Variants in POLE observed in about 807,000 individuals in gnomAD.
POLE encodes DNA polymerase epsilon, catalytic subunit.
POLE carries 188 observed loss-of-function variants against 279.2 expected under a neutral mutation model. The ratio of observed to expected loss-of-function variants is 0.67; its 90% CI spans 0.60 to 0.76. POLE has a LOEUF of 0.76. Among genes scored for constraint, POLE ranks in the 30% least tolerant of loss-of-function variants. The pLI is 0.00. For synonymous variants in POLE, 1,214 were observed against 1,172.5 expected (o/e 1.04, Z -0.72); for missense variants, 2,703 against 3,016.7 (o/e 0.90, Z 2.44).
At chr12:132,635,395 G>T (rs1198148180) in intron 42 of POLE, among the ~76,000 whole-genome samples, 1 of 152,156 alleles carries the variant, frequency 6.6e-6, no homozygotes, top group African/African-American at 2.4e-5. Context: ...ACCTGCCTGT[G>T]CCCTCCAATG....
intron 1 of POLE, among the ~76,000 whole-genome samples, chr12:132,682,155 G>A (rs776472695): frequency 2.2e-4 from 34 of 152,080 alleles, no homozygotes; most frequent in Non-Finnish European, 3.4e-4. Context: ...TTAGCCAGGC[G>A]TGGTGGTGGG....
chr12:132,659,207 G>C (rs966706025), intron 26 of POLE, 88 bp downstream of exon 26: 2 of 1,344,200 alleles, frequency 1.5e-6, no homozygotes, highest in Non-Finnish European at 2.1e-6. Flanking sequence ...GTGATGAGGG[G>C]AGCCCTCACC....
At chr12:132,660,746 A>G in intron 25 of POLE, 1 of 384,064 alleles carries the variant, frequency 2.6e-6, no homozygotes, top group East Asian at 3.9e-5. Flanking sequence ...CAGGCTTATC[A>G]CGCTATTTAG....
intron 26 of POLE, chr12:132,658,454 A>C (rs1160624500): frequency 6.3e-6 from 1 of 157,718 alleles, no homozygotes; most frequent in Non-Finnish European, 1.4e-5. Flanking sequence ...GTGCGTAAAC[A>C]TGTCTGCGTT....
intron 29 of POLE, among the ~76,000 whole-genome samples, chr12:132,653,593 A>G (rs1295619500): frequency 1.3e-5 from 2 of 152,232 alleles, no homozygotes; most frequent in African/African-American, 4.8e-5. Flanking sequence ...AGGTTTCCTT[A>G]CATTTTCTGT....
At chr12:132,649,586 A>G in intron 30 of POLE, 71 bp from the exon 31 acceptor site, 7 of 1,597,508 alleles carry the variant, frequency 4.4e-6, no homozygotes, top group South Asian at 1.1e-5. Context: ...CTTTCTCACA[A>G]GCAGCCTCCC....
rs943339544 is a variant in POLE, at chr12:132,646,321, G to C, written c.4150-2344C>G. Reference sequence around the variant, plus strand: ...GGGTGATGGAAACGTTCTGCACCTGGGTGGGGGTGTGGGTGACACAGGCAT... The same window carrying C: ...GGGTGATGGAAACGTTCTGCACCTGCGTGGGGGTGTGGGTGACACAGGCAT... On this transcript the variant is annotated intron_variant, in intron 32 of 48. Coordinates refer to ENST00000320574, the MANE Select transcript of POLE (RefSeq NM_006231.4). 6.6e-5 allele frequency among the ~76,000 whole-genome samples: 10 copies of C among 152,262 alleles called. No homozygotes were observed. The South Asian group carries it at 1.9e-3, about 28-fold the overall frequency.
At chr12:132,649,252 C>G (rs2138603325) in intron 31 of POLE, 54 bp downstream of exon 31, 1 of 1,574,008 alleles carries the variant, frequency 6.4e-7, no homozygotes, top group Non-Finnish European at 8.7e-7. Flanking sequence ...CTGGACACCC[C>G]CTCCCTGGGC....
Position 132,677,225 on chromosome 12 carries a change from T to C in POLE, c.801+138A>G, listed in dbSNP as rs537537122. On this transcript the variant is annotated intron_variant, in intron 8 of 48. Transcript: ENST00000320574. The stretch of plus-strand genomic sequence containing the variant: ...TCAGAAACTGATGAAAAATTCTAAC[T>C]CCATATTTCCTTTAATAAAGTATTT... 1.7e-5 allele frequency: 12 copies of C among 685,902 alleles called. No homozygotes were observed. In the East Asian group the frequency reaches 2.7e-4, roughly 15 times the overall value. The allele number at this position is 685,902 out of a possible 1,614,324, so 42.5% of individuals were successfully genotyped here.
chr12:132,681,264 A>G lies in POLE; in HGVS notation c.78T>C (p.Thr26=), dbSNP rs1192817723. 8.1e-6 allele frequency: 13 copies of G among 1,614,052 alleles called. No individual in the cohort carries two copies. Among genetic ancestry groups the G allele is most frequent in the Middle Eastern group, 1.6e-4 (1 of 6,084 alleles). Residue 26 remains threonine, a synonymous_variant, in exon 2 of 49, where the codon ACT becomes ACC. Transcript: ENST00000320574. ...DGEASRDDGA[T]SSVSALKRLE... is the part of the protein sequence containing the mutation. Reference sequence around the variant, plus strand: ...GGCGCTTGAGTGCCGAAACTGAGGAAGTGGCGCCATCATCCCTGAGTGAAA... The same window carrying G: ...GGCGCTTGAGTGCCGAAACTGAGGAGGTGGCGCCATCATCCCTGAGTGAAA...
intron 2 of POLE, 74 bp from the exon 3 acceptor site, chr12:132,680,761 G>C (rs1029538284): frequency 2.6e-6 from 3 of 1,159,856 alleles, no homozygotes; most frequent in Admixed American, 1.7e-5. Flanking sequence ...CCTACCTTTC[G>C]GGAAACTCAG....
chr12:132,625,051 G>C (rs1034271552), intron 47 of POLE, 57 bp from the exon 48 acceptor site: 3 of 1,325,492 alleles, frequency 2.3e-6, no homozygotes, highest in Non-Finnish European at 3.2e-6. Context: ...AGACCTGCCT[G>C]CTGCTTCTTC....
rs5744875 is a variant in POLE at position 132,658,516 on chromosome 12, G to A, written c.3276-546C>T. On this transcript the variant is annotated intron_variant, in intron 26 of 48. Coordinates refer to ENST00000320574, the MANE Select transcript of POLE (RefSeq NM_006231.4). ...GGCAAACGTGCACGTTCATAACCATGTCTACATGTTCCTTGCTGAGTAACA... is the reference window on the plus strand; with the variant it reads ...GGCAAACGTGCACGTTCATAACCATATCTACATGTTCCTTGCTGAGTAACA... 43 of 154,676 alleles carry A rather than the reference G, an allele frequency of 2.8e-4. No individual in the cohort carries two copies. In the South Asian group the frequency reaches 8.4e-3, roughly 30 times the overall value. 9.6% of individuals were successfully genotyped at this position (154,676 alleles called of 1,614,324 possible).
intron 12 of POLE, among the ~76,000 whole-genome samples, chr12:132,674,402 C>A (rs1383164061): frequency 6.6e-6 from 1 of 151,998 alleles, no homozygotes; most frequent in Non-Finnish European, 1.5e-5. Flanking sequence ...CAGTGAGTCC[C>A]AATCTACAGT....
chr12:132,663,626 T>G (rs897067514), intron 23 of POLE, among the ~76,000 whole-genome samples: 3 of 152,194 alleles, frequency 2.0e-5, no homozygotes, highest in African/African-American at 7.2e-5. Context: ...AGGTGAGGCC[T>G]GCAGTGCAGT....
chr12:132,624,083 G>C lies in POLE; in HGVS notation c.*614C>G, dbSNP rs370411439. On this transcript the variant is annotated 3_prime_UTR_variant, in exon 49 of 49. Coordinates refer to ENST00000320574, the MANE Select transcript of POLE (RefSeq NM_006231.4). ...CTTGTTTTCCTGAGGCTGATAGAGG[G>C]TTCCCTCTAGACCCGGCTCCAAATA... 1 of 208,436 alleles carries C rather than the reference G, an allele frequency of 4.8e-6. No individual in the cohort carries two copies. The highest frequency in any genetic ancestry group is 7.3e-5 in the East Asian group (1 of 13,728). 12.9% of individuals were successfully genotyped at this position (208,436 alleles called of 1,614,324 possible).
rs144738076 is a variant in POLE, at chr12:132,625,131, C to T, written c.6658-137G>A. 5.3e-4 allele frequency: 372 copies of T among 704,434 alleles called. 1 individual carries two copies. In the African/African-American group the frequency reaches 5.8e-3, roughly 11 times the overall value. The allele number at this position is 704,434 out of a possible 1,614,324, so 43.6% of individuals were successfully genotyped here. A position where few individuals can be genotyped will look rare whatever the true frequency, so the allele number is the denominator to read the frequency against. Reference sequence around the variant, plus strand: ...GCCCCTGCTGTGTGCAGCCAGCCCTCGGTTATGAGTAAAATGCACGACCTC... The same window carrying T: ...GCCCCTGCTGTGTGCAGCCAGCCCTTGGTTATGAGTAAAATGCACGACCTC... On this transcript the variant is annotated intron_variant, in intron 47 of 48. Coordinates refer to ENST00000320574, the MANE Select transcript of POLE (RefSeq NM_006231.4).
chr12:132,626,257 G>A lies in POLE; in HGVS notation c.6391C>T (p.Arg2131Cys), dbSNP rs369748519. 3.1e-6 allele frequency: 5 copies of A among 1,613,820 alleles called. No individual in the cohort carries two copies. The highest frequency in any genetic ancestry group is 1.3e-5 in the African/African-American group (1 of 74,936). Residue 2131 changes from arginine (R) to cysteine (C), a missense_variant, in exon 46 of 49, where the codon CGC (arginine) becomes TGC (cysteine). By Grantham distance (180) the Arg-to-Cys change is radical (BLOSUM62 -3). Around this residue, in one of 5 missense-constraint regions of POLE, gnomAD observed 1,551 missense variants for 1,686.1 expected, o/e 0.92. Transcript: ENST00000320574. ...QVNKLNRDLL[R>C]LVDVGEFSEE... is the part of the protein sequence containing the mutation. ...GAGAACTCGCCGACATCCACCAGGC[G>A]AAGCAGGTCTCGGTTCAGCTTATTC...
chr12:132,673,234 T>C lies in POLE; in HGVS notation c.1403A>G (p.Tyr468Cys), dbSNP rs2042971544. ...YSVSDAVATY[Y>C]LYMKYVHPFI... ...TGGGTGGACGTACTTCATGTACAGG[T>C]AGTAAGTGGCGACAGCATCTGACAC... is the stretch of plus-strand genomic sequence containing the variant. Residue 468 changes from tyrosine (Y) to cysteine (C), a missense_variant, in exon 14 of 49, where the codon TAC (tyrosine) becomes TGC (cysteine). Around this residue, in one of 5 missense-constraint regions of POLE, gnomAD observed 1,011 missense variants for 1,111.7 expected, o/e 0.91. Coordinates refer to ENST00000320574, the MANE Select transcript of POLE (RefSeq NM_006231.4). The C allele has an allele frequency of 1.2e-6, 2 of 1,613,540 alleles. No homozygotes were observed. Among genetic ancestry groups the C allele is most frequent in the Middle Eastern group, 1.6e-4 (1 of 6,062 alleles).
Sources: gnomAD v4.1 joint callset for allele counts (sites outside exome capture counted in the v4.1 genomes callset) on GRCh38, gnomAD v4.1.1 for gene constraint, gnomAD v4.1.1 regional missense constraint, MANE v1.5 for transcripts, NCBI Gene and HGNC (gene_info 2026-07-23, HGNC 2026-07-21) for gene names.